SH3BP2: variants seen among roughly 807,000 people sequenced by gnomAD.
SH3BP2 encodes SH3 domain-binding protein 2.
Under a neutral mutation model 56.2 loss-of-function variants are expected in SH3BP2, and 38 were observed. The observed-to-expected ratio is 0.68, with a 90% CI of 0.52 to 0.89. SH3BP2 has a LOEUF of 0.89. Among genes scored for constraint, SH3BP2 ranks in the 40% least tolerant of loss-of-function variants. The pLI is 0.00. For missense variants in SH3BP2, 748 were observed against 762.6 expected, an observed-to-expected ratio of 0.98 and a Z score of 0.23; for synonymous variants, 346 against 316.7, an observed-to-expected ratio of 1.09 and a Z score of -0.98.
chr4:2,810,416 A>T lies in SH3BP2; in HGVS notation c.-4-10198A>T, dbSNP rs1231837785. Among the ~76,000 whole-genome samples the T allele has an allele frequency of 6.6e-6, 1 of 151,378 alleles. No homozygotes were observed. Among genetic ancestry groups the T allele is most frequent in the Non-Finnish European group, 1.5e-5 (1 of 67,864 alleles). ...GCTTGCTTCTGCCTCTGCCGAGTCT[A>T]TGAGTGTGGGGCTTTTGGCGGAGCA... is the stretch of plus-strand genomic sequence containing the variant. On this transcript the variant is annotated intron_variant, in intron 1 of 12. Transcript: ENST00000503393. This position sits in a 1 kb window ranked among gnomAD's most constrained non-coding sequence, Gnocchi z 4.2.
chr4:2,826,571 GCT>G (rs768406196), intron 5 of SH3BP2: 1 of 252,682 alleles, frequency 4.0e-6, no homozygotes, highest in Non-Finnish European at 7.2e-6. Context: ...TCTGCATGTT[GCT>G]CTGTGTGTGT....
intron 2 of SH3BP2, among the ~76,000 whole-genome samples, chr4:2,822,161 G>A (rs1724344884): frequency 6.6e-6 from 1 of 152,018 alleles, no homozygotes. Context: ...CACCGCGCCT[G>A]GCCTATTTAT....
intron 1 of SH3BP2, chr4:2,812,620 C>G (rs889021065): frequency 9.3e-7 from 1 of 1,070,328 alleles, no homozygotes; most frequent in African/African-American, 1.6e-5. Context: ...CCTGAGCCTG[C>G]AAAAGGCAAC....
intron 2 of SH3BP2, among the ~76,000 whole-genome samples, 179 bp from the exon 3 acceptor site, chr4:2,822,756 T>C (rs528985597): frequency 3.3e-5 from 5 of 152,312 alleles, no homozygotes; most frequent in African/African-American, 1.2e-4. Flanking sequence ...TTTCCGTATT[T>C]GGCCCCAGAG....
chr4:2,832,454 C>T (rs1725042040), intron 11 of SH3BP2, 42 bp downstream of exon 11: 2 of 1,497,134 alleles, frequency 1.3e-6, no homozygotes, highest in Admixed American at 1.7e-5. Context: ...CTCTGGCTCT[C>T]CACACACCCA....
intron 1 of SH3BP2, chr4:2,812,467 A>C: frequency 6.5e-7 from 1 of 1,550,134 alleles, no homozygotes; most frequent in South Asian, 1.2e-5. Flanking sequence ...GTGTTGGGTC[A>C]GCACCATCAG....
chr4:2,824,886 G>A lies in SH3BP2; in HGVS notation c.357+156G>A. The A allele has an allele frequency of 1.2e-5, 8 of 694,424 alleles. 1 individual carries two copies. The South Asian group carries it at 1.3e-4, about 12-fold the overall frequency. The allele number at this position is 694,424 out of a possible 1,614,324, so 43.0% of individuals were successfully genotyped here. A position where few individuals can be genotyped will look rare whatever the true frequency, so the allele number is the denominator to read the frequency against. ...GGCTGGGACACAGGCAGCTGGGTGG[G>A]TGCTGCCCCAGCTCCATCCCCATGC... is the stretch of plus-strand genomic sequence containing the variant. On this transcript the variant is annotated intron_variant, in intron 4 of 12. Transcript: ENST00000503393.
intron 1 of SH3BP2, among the ~76,000 whole-genome samples, chr4:2,805,949 G>A (rs916307362): frequency 6.6e-6 from 1 of 152,210 alleles, no homozygotes; most frequent in African/African-American, 2.4e-5. Flanking sequence ...CGCCTGTTCT[G>A]GAGGCCAGGC....
chr4:2,823,618 A>T, intron 3 of SH3BP2: 1 of 436,722 alleles, frequency 2.3e-6, no homozygotes, highest in Non-Finnish European at 4.6e-6. Flanking sequence ...GTGCACTGGC[A>T]CAGCCCATGG....
At chr4:2,806,424 T>C (rs1197199507) in intron 1 of SH3BP2, among the ~76,000 whole-genome samples, 2 of 152,162 alleles carry the variant, frequency 1.3e-5, no homozygotes, top group African/African-American at 4.8e-5. Flanking sequence ...CTGGAGAATT[T>C]TTTCTCAAGT....
In SH3BP2 at chr4:2,812,673, C is replaced by G. The variant is rs112000812; in HGVS notation, c.-4-7941C>G. Among the ~76,000 whole-genome samples the G allele has an allele frequency of 5.9e-3, 895 of 152,298 alleles. 5 individuals are homozygous for G. Among genetic ancestry groups the G allele is most frequent in the African/African-American group, 0.02 (847 of 41,580 alleles). ...GCCTCTGTCTGCCTTGAGAGGCCCC[C>G]GAGCTGGCAGGCACAGGGGGAGGCC... On this transcript the variant is annotated intron_variant, in intron 1 of 12. Transcript: ENST00000503393.
intron 1 of SH3BP2, among the ~76,000 whole-genome samples, chr4:2,796,014 C>T (rs1723049489): frequency 6.6e-6 from 1 of 152,118 alleles, no homozygotes; most frequent in Admixed American, 6.5e-5. Context: ...GGGCACTGGA[C>T]CCTCCTCACC....
At chr4:2,798,974 G>C in intron 1 of SH3BP2, 1 of 985,610 alleles carries the variant, frequency 1.0e-6, no homozygotes, top group Non-Finnish European at 1.2e-6. Flanking sequence ...GTGTGGGAGT[G>C]GCCCCCCAGG....
chr4:2,808,618 G>A (rs1336351793), intron 1 of SH3BP2, among the ~76,000 whole-genome samples: 1 of 152,130 alleles, frequency 6.6e-6, no homozygotes, highest in African/African-American at 2.4e-5. Flanking sequence ...GGGCATAGAG[G>A]GAAGGGGCTT....
intron 1 of SH3BP2, chr4:2,815,054 T>C (rs548849394): frequency 1.3e-5 from 2 of 152,374 alleles, no homozygotes; most frequent in South Asian, 2.1e-4. Flanking sequence ...GGATGCCCCC[T>C]GGTTTTCCCG....
chr4:2,809,992 C>G (rs1723680195), intron 1 of SH3BP2, among the ~76,000 whole-genome samples: 1 of 152,232 alleles, frequency 6.6e-6, no homozygotes, highest in Non-Finnish European at 1.5e-5. Context: ...ACACCCCCTG[C>G]TTGGATGCAG....
chr4:2,820,839 G>T, intron 2 of SH3BP2, 86 bp downstream of exon 2: 3 of 1,414,842 alleles, frequency 2.1e-6, no homozygotes, highest in Non-Finnish European at 2.9e-6. Context: ...CCAAGCCTCT[G>T]CTTCCTCACA....
At chr4:2,796,036 T>C (rs1723050232) in intron 1 of SH3BP2, among the ~76,000 whole-genome samples, 2 of 152,096 alleles carry the variant, frequency 1.3e-5, no homozygotes, top group South Asian at 2.1e-4. Flanking sequence ...CCCCTTGGCC[T>C]GTGCACGGGA....
rs186579218 is a variant in SH3BP2, at chr4:2,832,261, C to T, written c.1407-70C>T. 1.1e-3 allele frequency: 1,453 copies of T among 1,301,404 alleles called. 20 individuals carry two copies. In the African/African-American group the frequency reaches 0.019, roughly 17 times the overall value. The allele number at this position is 1,301,404 out of a possible 1,614,324, so 80.6% of individuals were successfully genotyped here. On this transcript the variant is annotated intron_variant, in intron 10 of 12. Transcript: ENST00000503393. Reference sequence around the variant, plus strand: ...GAGGACAGAAAGCCAGGCTTGGGAGCGGGGCGGGAAGGTCCGTGTGAAAGC... The same window carrying T: ...GAGGACAGAAAGCCAGGCTTGGGAGTGGGGCGGGAAGGTCCGTGTGAAAGC...
Sources: allele counts gnomAD v4.1 joint callset (sites outside exome capture counted in the v4.1 genomes callset), GRCh38; gene constraint gnomAD v4.1.1; non-coding constraint Gnocchi (gnomAD v3.1); transcripts MANE v1.5; gene names NCBI Gene and HGNC (gene_info 2026-07-23, HGNC 2026-07-21).